Variants in DIAPH2 observed in about 807,000 individuals in gnomAD.
The protein encoded by DIAPH2 is protein diaphanous homolog 2.
A neutral mutation model predicts 92.7 loss-of-function variants in DIAPH2; 35 were observed. The observed-to-expected ratio is 0.38, with a 90% CI of 0.29 to 0.50. DIAPH2 has a LOEUF of 0.50. DIAPH2 is among the 20% of genes least tolerant of loss of function. The pLI is 0.94. For missense variants in DIAPH2, 701 were observed against 819.5 expected, an observed-to-expected ratio of 0.86 and a Z score of 1.77; for synonymous variants, 301 against 280.4, an observed-to-expected ratio of 1.07 and a Z score of -0.73.
intron 26 of DIAPH2, among the ~76,000 whole-genome samples, chrX:97,508,053 A>T (rs2070850097): frequency 9.0e-6 from 1 of 111,395 alleles, no homozygotes; most frequent in Admixed American, 9.6e-5. Flanking sequence ...CACCTAAATA[A>T]GTTATCTGTT....
At chrX:96,768,865 A>G (rs1466255847) in intron 4 of DIAPH2, among the ~76,000 whole-genome samples, 2 of 111,547 alleles carry the variant, frequency 1.8e-5, no homozygotes, top group Non-Finnish European at 3.8e-5. Context: ...TAATTTGGAA[A>G]GGTAAGTTCA....
At chrX:97,479,161 C>T in intron 26 of DIAPH2, among the ~76,000 whole-genome samples, 1 of 110,896 alleles carries the variant, frequency 9.0e-6, no homozygotes, top group Middle Eastern at 4.6e-3. Context: ...GTTCTGTTAT[C>T]TATAGCAAAT....
chrX:97,578,505 A>AT (rs1267938937), intron 26 of DIAPH2, among the ~76,000 whole-genome samples: 1 of 99,413 alleles, frequency 1.0e-5, no homozygotes, highest in Non-Finnish European at 2.0e-5. Context: ...TGAACTCATC[A>AT]TTTTTTATGG....
chrX:96,846,931 G>T (rs942779403), intron 4 of DIAPH2, among the ~76,000 whole-genome samples: 8 of 111,280 alleles, frequency 7.2e-5, no homozygotes, highest in African/African-American at 2.6e-4. Context: ...GAATATTCAG[G>T]TCTAGTGGAA....
chrX:97,285,485 A>G (rs1303594649), intron 23 of DIAPH2, among the ~76,000 whole-genome samples: 6 of 110,955 alleles, frequency 5.4e-5, no homozygotes, highest in Non-Finnish European at 7.6e-5. Flanking sequence ...TAGTACATCA[A>G]TATGTCAGGA....
intron 3 of DIAPH2, among the ~76,000 whole-genome samples, chrX:96,757,490 A>G (rs948209082): frequency 2.7e-5 from 3 of 112,348 alleles, no homozygotes; most frequent in African/African-American, 9.7e-5. Flanking sequence ...AAAATGAAGA[A>G]AAACAATTTG....
intron 19 of DIAPH2, among the ~76,000 whole-genome samples, chrX:97,079,248 G>T (rs943841346): frequency 9.0e-6 from 1 of 110,821 alleles, no homozygotes; most frequent in African/African-American, 3.3e-5. Flanking sequence ...CTGAGCTATT[G>T]AGTTTGGTCA....
In DIAPH2 at chrX:97,465,560, G is replaced by A. The variant is rs1365492629; in HGVS notation, c.3241+35815G>A. On this transcript the variant is annotated intron_variant, in intron 26 of 26. Coordinates refer to ENST00000324765, the MANE Select transcript of DIAPH2 (RefSeq NM_006729.5). ...TACATAGGTGATATGCAAATACTAT[G>A]CCATCTTATATAAGGAACTTGAGCA... 4.5e-5 allele frequency among the ~76,000 whole-genome samples: 5 copies of A among 111,527 alleles called. No individual in the cohort carries two copies. The South Asian group carries it at 1.9e-3, about 42-fold the overall frequency.
At chrX:97,471,690 CA>C (rs34891772) in intron 26 of DIAPH2, among the ~76,000 whole-genome samples, 18,211 of 44,072 alleles carry the variant, frequency 0.41, 1,756 homozygotes, top group Non-Finnish European at 0.44. Flanking sequence ...AAATCCGTCT[CA>C]AAAAAAAAAA....
chrX:96,959,516 A>G (rs1477727779), intron 16 of DIAPH2, among the ~76,000 whole-genome samples: 1 of 111,445 alleles, frequency 9.0e-6, no homozygotes, highest in Non-Finnish European at 1.9e-5. Context: ...TATTTTTTGG[A>G]TATTAGTCCA....
At position 97,602,870 on chromosome X, in the gene DIAPH2, A is replaced by G; in HGVS notation, c.*3553A>G. On this transcript the variant is annotated 3_prime_UTR_variant, in exon 27 of 27. Transcript: ENST00000324765. ...ATTTTTTTCTGTCTCTGTCCCTTTTAGGCCCAGTTGGAAGTGTTTCTGATG... is the reference window on the plus strand; with the variant it reads ...ATTTTTTTCTGTCTCTGTCCCTTTTGGGCCCAGTTGGAAGTGTTTCTGATG... The G allele has an allele frequency of 8.9e-6, 1 of 111,967 alleles. No individual in the cohort carries two copies. The highest frequency in any genetic ancestry group is 3.2e-5 in the African/African-American group (1 of 30,809). 9.2% of individuals were successfully genotyped at this position (111,967 alleles called of 1,213,427 possible). A position where few individuals can be genotyped will look rare whatever the true frequency, so the allele number is the denominator to read the frequency against.
At chrX:97,119,215 C>T (rs2067037537) in intron 21 of DIAPH2, among the ~76,000 whole-genome samples, 2 of 111,058 alleles carry the variant, frequency 1.8e-5, no homozygotes, top group Non-Finnish European at 3.8e-5. Context: ...GGGCTGAAGG[C>T]TGTTGTTCAG....
intron 1 of DIAPH2, among the ~76,000 whole-genome samples, chrX:96,708,304 G>T (rs1424121908): frequency 2.1e-5 from 2 of 95,195 alleles, no homozygotes; most frequent in Admixed American, 1.3e-4. Flanking sequence ...GTGCAGTGGC[G>T]TGATCTTGGC....
intron 25 of DIAPH2, among the ~76,000 whole-genome samples, chrX:97,409,906 A>G (rs1355324033): frequency 8.9e-6 from 1 of 112,715 alleles, no homozygotes; most frequent in African/African-American, 3.2e-5. Context: ...CAGCTCTGCA[A>G]GGCATGCTGC....
At chrX:97,276,154 GCAGT>G (rs1487280312) in intron 23 of DIAPH2, among the ~76,000 whole-genome samples, 1 of 110,315 alleles carries the variant, frequency 9.1e-6, no homozygotes, top group Non-Finnish European at 1.9e-5. Flanking sequence ...GCGCGTGCCT[GCAGT>G]CGCAGGCACT....
intron 22 of DIAPH2, among the ~76,000 whole-genome samples, chrX:97,160,217 G>A (rs926864474): frequency 8.9e-6 from 1 of 111,779 alleles, no homozygotes; most frequent in East Asian, 2.8e-4. Context: ...GGGTCCACCA[G>A]ACCAGCTTGA....
At chrX:96,713,068 AC>A (rs2063928646) in intron 1 of DIAPH2, among the ~76,000 whole-genome samples, 1 of 111,264 alleles carries the variant, frequency 9.0e-6, no homozygotes, top group Non-Finnish European at 1.9e-5. Flanking sequence ...ATGTGCACAT[AC>A]ACACTTATGT....
At chrX:96,776,088 A>T (rs1295287363) in intron 4 of DIAPH2, among the ~76,000 whole-genome samples, 1 of 111,790 alleles carries the variant, frequency 8.9e-6, no homozygotes, top group Non-Finnish European at 1.9e-5. Flanking sequence ...CTACATGTAA[A>T]GTTACCCTTT....
intron 3 of DIAPH2, among the ~76,000 whole-genome samples, chrX:96,741,935 C>G (rs1485142026): frequency 8.9e-6 from 1 of 112,069 alleles, no homozygotes; most frequent in Non-Finnish European, 1.9e-5. Context: ...GCTCATTCCT[C>G]TTTATGTCCT....
Sources: gnomAD v4.1 joint callset for allele counts (sites outside exome capture counted in the v4.1 genomes callset) on GRCh38, gnomAD v4.1.1 for gene constraint, MANE v1.5 for transcripts, NCBI Gene and HGNC (gene_info 2026-07-23, HGNC 2026-07-21) for gene names.